PCDH11X: variants seen among roughly 807,000 people sequenced by gnomAD.
PCDH11X encodes protocadherin-11 X-linked.
PCDH11X carries 18 observed loss-of-function variants against 53.3 expected under a neutral mutation model. The ratio of observed to expected loss-of-function variants is 0.34; its 90% CI spans 0.23 to 0.50. PCDH11X has a LOEUF of 0.50. Among genes scored for constraint, PCDH11X ranks in the 20% least tolerant of loss-of-function variants. The pLI is 0.98. For synonymous variants in PCDH11X, 279 were observed against 393.3 expected, an observed-to-expected ratio of 0.71 and a Z score of 3.44; for missense variants, 570 against 1,032.4, an observed-to-expected ratio of 0.55 and a Z score of 6.14.
intron 8 of PCDH11X, among the ~76,000 whole-genome samples, chrX:92,340,943 A>G (rs1324368278): frequency 1.8e-5 from 2 of 112,039 alleles, no homozygotes; most frequent in African/African-American, 3.2e-5. Flanking sequence ...CCCATTAAAT[A>G]TAAGTTCCAA....
intron 8 of PCDH11X, among the ~76,000 whole-genome samples, chrX:92,377,403 C>G (rs1304051177): frequency 1.8e-5 from 2 of 110,630 alleles, no homozygotes; most frequent in African/African-American, 6.6e-5. Context: ...ATTCATAGCT[C>G]TAATTTTAAC....
At chrX:92,314,701 C>G (rs1217698057) in intron 8 of PCDH11X, among the ~76,000 whole-genome samples, 1 of 110,287 alleles carries the variant, frequency 9.1e-6, no homozygotes, top group Non-Finnish European at 1.9e-5. Context: ...CCATTATAAT[C>G]TTATGGAACC....
chrX:91,889,207 T>A (rs1471224696), intron 6 of PCDH11X, among the ~76,000 whole-genome samples: 1 of 111,426 alleles, frequency 9.0e-6, no homozygotes, highest in African/African-American at 3.3e-5. Flanking sequence ...CCATATTTTA[T>A]TATTATTTTT....
intron 6 of PCDH11X, among the ~76,000 whole-genome samples, chrX:92,156,905 A>G (rs1456899064): frequency 8.9e-6 from 1 of 111,948 alleles, no homozygotes; most frequent in East Asian, 2.8e-4. Flanking sequence ...CAGCAGTGGT[A>G]CTTATATTTA....
At chrX:92,132,980 A>C (rs1385126907) in intron 6 of PCDH11X, among the ~76,000 whole-genome samples, 2 of 110,617 alleles carry the variant, frequency 1.8e-5, no homozygotes, top group Admixed American at 9.9e-5. Context: ...AAGCAAAACA[A>C]CACCAAATTC....
chrX:92,179,309 G>T, intron 6 of PCDH11X, among the ~76,000 whole-genome samples: 1 of 112,191 alleles, frequency 8.9e-6, no homozygotes, highest in Non-Finnish European at 1.9e-5. Flanking sequence ...AAGGCATCAG[G>T]TTTAATTTTC....
At chrX:92,461,202 A>C (rs1490383419) in intron 9 of PCDH11X, among the ~76,000 whole-genome samples, 3 of 110,255 alleles carry the variant, frequency 2.7e-5, no homozygotes, top group Non-Finnish European at 5.7e-5. Flanking sequence ...AAATGGAAAA[A>C]ATAATCCTAA....
intron 6 of PCDH11X, among the ~76,000 whole-genome samples, chrX:92,041,522 G>T (rs1214252160): frequency 9.0e-6 from 1 of 110,513 alleles, no homozygotes; most frequent in Non-Finnish European, 1.9e-5. Flanking sequence ...CATTAAAAAC[G>T]TCAATGTAAG....
At chrX:92,274,804 C>T (rs2068045641) in intron 8 of PCDH11X, among the ~76,000 whole-genome samples, 1 of 110,341 alleles carries the variant, frequency 9.1e-6, no homozygotes, top group African/African-American at 3.3e-5. Flanking sequence ...GGCGATAAGG[C>T]CTGGTAGAAC....
chrX:92,445,597 A>T (rs1275113297), intron 9 of PCDH11X, among the ~76,000 whole-genome samples: 1 of 110,054 alleles, frequency 9.1e-6, no homozygotes, highest in African/African-American at 3.3e-5. Flanking sequence ...AACTTAATGC[A>T]TAAGAAAAGT....
At chrX:92,192,165 G>A (rs2066203504) in intron 6 of PCDH11X, among the ~76,000 whole-genome samples, 1 of 111,264 alleles carries the variant, frequency 9.0e-6, no homozygotes, top group Non-Finnish European at 1.9e-5. Flanking sequence ...AAACAAAAAG[G>A]TTGATAATTC....
Position 92,449,140 on chromosome X carries a change from T to C in PCDH11X, c.3344-19159T>C, listed in dbSNP as rs1244192100. Reference sequence around the variant, plus strand: ...AGATCAGCATAGGCATGCTCTGATTTTTTTGCTCATTCTTGATGGATTACA... The same window carrying C: ...AGATCAGCATAGGCATGCTCTGATTCTTTTGCTCATTCTTGATGGATTACA... On this transcript the variant is annotated intron_variant, in intron 9 of 10. Transcript: ENST00000682573. 3.6e-5 allele frequency among the ~76,000 whole-genome samples: 4 copies of C among 111,982 alleles called. No homozygotes were observed. The Admixed American group carries it at 3.8e-4, about 11-fold the overall frequency.
chrX:92,270,657 G>A (rs778808382), intron 8 of PCDH11X, among the ~76,000 whole-genome samples: 14 of 111,561 alleles, frequency 1.3e-4, no homozygotes, highest in Admixed American at 1.9e-4. Context: ...GGGAGGATAC[G>A]GTCTCATTAT....
chrX:91,891,590 C>A (rs1282107583), intron 6 of PCDH11X, among the ~76,000 whole-genome samples: 1 of 103,906 alleles, frequency 9.6e-6, no homozygotes, highest in Non-Finnish European at 1.9e-5. Context: ...ATTGTATTAA[C>A]ATTTTTTGAA....
chrX:92,497,897 G>A (rs182078386), intron 10 of PCDH11X, among the ~76,000 whole-genome samples: 3 of 111,348 alleles, frequency 2.7e-5, no homozygotes, highest in South Asian at 7.5e-4. Flanking sequence ...ATATGCTGTC[G>A]TAAAGGTTGC....
chrX:92,203,321 G>A (rs2066422408), intron 7 of PCDH11X, among the ~76,000 whole-genome samples: 1 of 112,703 alleles, frequency 8.9e-6, no homozygotes, highest in African/African-American at 3.2e-5. Flanking sequence ...GAAATTCATG[G>A]AAGCCATGCA....
At chrX:91,975,125 A>C (rs1368203773) in intron 6 of PCDH11X, among the ~76,000 whole-genome samples, 1 of 111,084 alleles carries the variant, frequency 9.0e-6, no homozygotes, top group Non-Finnish European at 1.9e-5. Context: ...ATGCAAGCAG[A>C]GACCTACTGT....
chrX:92,521,613 A>G (rs1210070387), intron 10 of PCDH11X, among the ~76,000 whole-genome samples: 2 of 112,034 alleles, frequency 1.8e-5, no homozygotes, highest in African/African-American at 3.2e-5. Context: ...GCTACTAACA[A>G]GGGACTCAGC....
intron 5 of PCDH11X, among the ~76,000 whole-genome samples, chrX:91,873,680 A>G (rs1293123867): frequency 9.0e-6 from 1 of 111,564 alleles, no homozygotes; most frequent in African/African-American, 3.2e-5. Context: ...TAAACAAGAA[A>G]TGCACAAACA....
Sources: gnomAD v4.1 joint callset for allele counts (sites outside exome capture counted in the v4.1 genomes callset) on GRCh38, gnomAD v4.1.1 for gene constraint, MANE v1.5 for transcripts, NCBI Gene and HGNC (gene_info 2026-07-23, HGNC 2026-07-21) for gene names.